CNTN4: variants seen among roughly 807,000 people sequenced by gnomAD.
CNTN4 encodes the protein contactin 4, also known as contactin-4.
In CNTN4, 77 loss-of-function variants were observed where a neutral mutation model predicts 122.5. The observed-to-expected ratio is 0.63, with a 90% confidence interval of 0.52 to 0.76. The LOEUF is 0.76. Among genes scored for constraint, CNTN4 ranks in the 30% least tolerant of loss-of-function variants. The pLI is 0.00. For synonymous variants in CNTN4, 512 were observed against 447.0 expected (o/e 1.15, Z -1.83); for missense variants, 1,256 against 1,259.1 (o/e 1.00, Z 0.04).
chr3:2,819,855 G>C (rs1576924880), intron 7 of CNTN4, among the ~76,000 whole-genome samples: 1 of 152,076 alleles, frequency 6.6e-6, no homozygotes, highest in Admixed American at 6.5e-5. Flanking sequence ...TGGTAAAGCA[G>C]TGTAATTAAA....
At chr3:2,202,827 T>A (rs2038162398) in intron 2 of CNTN4, among the ~76,000 whole-genome samples, 1 of 150,794 alleles carries the variant, frequency 6.6e-6, no homozygotes, top group Non-Finnish European at 1.5e-5. Context: ...ACAATTACAT[T>A]TTTTTTTTCT....
chr3:2,481,107 C>CTCTTTCTCTCTTTCTCCCTCTT lies in CNTN4; in HGVS notation c.-88-90293_-88-90272dup, dbSNP rs1559592996. ...TTTCTCTCTTTCTTTCTTTCTTTCT[C>CTCTTTCTCTCTTTCTCCCTCTT]TCTTTCTCTCTTTCTCCCTCTTTCT... On this transcript the variant is annotated intron_variant, in intron 3 of 24. Coordinates refer to ENST00000418658, the MANE Select transcript of CNTN4 (RefSeq NM_175607.3). Among the ~76,000 whole-genome samples the CTCTTTCTCTCTTTCTCCCTCTT allele has an allele frequency of 2.1e-4, 22 of 105,284 alleles. No individual in the cohort carries two copies. The East Asian group carries it at 4.8e-3, about 23-fold the overall frequency. The allele number at this position is 105,284 out of a possible 152,430, so 69.1% of individuals were successfully genotyped here. A position where few individuals can be genotyped will look rare whatever the true frequency, so the allele number is the denominator to read the frequency against.
chr3:2,304,928 GTTAT>G (rs779227984), intron 2 of CNTN4, among the ~76,000 whole-genome samples: 7 of 151,734 alleles, frequency 4.6e-5, no homozygotes, highest in African/African-American at 7.3e-5. Context: ...AAATTATGCA[GTTAT>G]TTATTTATTT....
intron 3 of CNTN4, among the ~76,000 whole-genome samples, chr3:2,549,046 A>C (rs1185470845): frequency 6.6e-6 from 1 of 152,134 alleles, no homozygotes; most frequent in African/African-American, 2.4e-5. Context: ...ACTTTGCTGA[A>C]GTTGCTGATC....
intron 2 of CNTN4, among the ~76,000 whole-genome samples, chr3:2,221,407 A>T (rs2039055794): frequency 5.3e-5 from 8 of 152,030 alleles, no homozygotes; most frequent in Admixed American, 5.2e-4. Context: ...CTAATTTAAA[A>T]TTAATTACAA....
At chr3:2,480,086 C>G (rs2075947630) in intron 3 of CNTN4, among the ~76,000 whole-genome samples, 1 of 151,932 alleles carries the variant, frequency 6.6e-6, no homozygotes, top group Non-Finnish European at 1.5e-5. Flanking sequence ...GATAAGAACT[C>G]TCTGCAAACT....
At chr3:2,951,464 C>T (rs2094743571) in intron 13 of CNTN4, among the ~76,000 whole-genome samples, 1 of 152,214 alleles carries the variant, frequency 6.6e-6, no homozygotes, top group Non-Finnish European at 1.5e-5. Context: ...CTCTCACCTC[C>T]TGCTGTGCCA....
intron 8 of CNTN4, among the ~76,000 whole-genome samples, chr3:2,882,227 T>A (rs987115440): frequency 6.6e-6 from 1 of 152,042 alleles, no homozygotes; most frequent in Non-Finnish European, 1.5e-5. Flanking sequence ...TAGCTGGGCA[T>A]GGTGGTGCAC....
chr3:2,219,450 A>G (rs2149482273), intron 2 of CNTN4, among the ~76,000 whole-genome samples: 1 of 152,248 alleles, frequency 6.6e-6, no homozygotes. Context: ...AGAAAGGCAG[A>G]TCTACCATTT....
intron 13 of CNTN4, among the ~76,000 whole-genome samples, chr3:2,972,683 G>A (rs553292703): frequency 6.6e-6 from 1 of 152,180 alleles, no homozygotes; most frequent in Non-Finnish European, 1.5e-5. Flanking sequence ...AATAAATGTA[G>A]TGTGCTGATG....
At chr3:2,822,010 A>C (rs2092886472) in intron 7 of CNTN4, among the ~76,000 whole-genome samples, 6 of 152,242 alleles carry the variant, frequency 3.9e-5, no homozygotes, top group Admixed American at 3.3e-4. Flanking sequence ...AGGTGCTAAA[A>C]GGCATGTACT....
chr3:2,889,364 ACT>A (rs1341497159), intron 10 of CNTN4, among the ~76,000 whole-genome samples: 1 of 152,072 alleles, frequency 6.6e-6, no homozygotes, highest in South Asian at 2.1e-4. Context: ...TAAAGGACTG[ACT>A]CTCCTCATGC....
At chr3:2,422,621 G>A (rs1451565629) in intron 3 of CNTN4, among the ~76,000 whole-genome samples, 3 of 152,126 alleles carry the variant, frequency 2.0e-5, no homozygotes, top group Non-Finnish European at 4.4e-5. Flanking sequence ...GGTATTTCTG[G>A]TCTGGATGGG....
rs1033589884 is a variant in CNTN4 at position 2,326,344 on chromosome 3, G to A, written c.-144-12834G>A. 5.3e-5 allele frequency among the ~76,000 whole-genome samples: 8 copies of A among 152,174 alleles called. 1 individual carries two copies. The highest frequency in any genetic ancestry group is 7.4e-5 in the Non-Finnish European group (5 of 68,016). On this transcript the variant is annotated intron_variant, in intron 2 of 24. Transcript: ENST00000418658. ...TCAGACTGGAAATACAGCATCTCACGTCTACTGGGCCTCAGGCCTTTGAAC... is the reference window on the plus strand; with the variant it reads ...TCAGACTGGAAATACAGCATCTCACATCTACTGGGCCTCAGGCCTTTGAAC...
chr3:2,234,616 T>C (rs2039614474), intron 2 of CNTN4, among the ~76,000 whole-genome samples: 1 of 152,164 alleles, frequency 6.6e-6, no homozygotes, highest in African/African-American at 2.4e-5. Flanking sequence ...TACCTAACAT[T>C]AGGAAAAAGT....
intron 3 of CNTN4, among the ~76,000 whole-genome samples, chr3:2,340,729 A>AGAGGGG (rs1559468414): frequency 5.7e-5 from 8 of 140,220 alleles, no homozygotes; most frequent in East Asian, 2.0e-4. Context: ...AGAGAGAGAG[A>AGAGGGG]GAGAGAGAGA....
chr3:2,281,001 A>T (rs1321848543), intron 2 of CNTN4, among the ~76,000 whole-genome samples: 2 of 152,076 alleles, frequency 1.3e-5, no homozygotes, highest in Non-Finnish European at 2.9e-5. Flanking sequence ...TATTTTTCAC[A>T]CTCTTGACAG....
At chr3:2,559,178 A>G (rs899351601) in intron 3 of CNTN4, among the ~76,000 whole-genome samples, 1 of 152,238 alleles carries the variant, frequency 6.6e-6, no homozygotes, top group Non-Finnish European at 1.5e-5. Context: ...ATAAGAGGGA[A>G]AAAAGTCCCT....
At chr3:2,311,807 T>A (rs1422270470) in intron 2 of CNTN4, among the ~76,000 whole-genome samples, 1 of 152,096 alleles carries the variant, frequency 6.6e-6, no homozygotes, top group Non-Finnish European at 1.5e-5. Flanking sequence ...TGGGAAATGG[T>A]TGAATAGAAA....
Sources: gnomAD v4.1 joint callset for allele counts (sites outside exome capture counted in the v4.1 genomes callset) on GRCh38, gnomAD v4.1.1 for gene constraint, MANE v1.5 for transcripts, NCBI Gene and HGNC (gene_info 2026-07-23, HGNC 2026-07-21) for gene names.